Variants in ASTN2 observed in about 807,000 individuals in gnomAD.
ASTN2 encodes astrotactin-2.
In ASTN2, 54 loss-of-function variants were observed where a neutral mutation model predicts 139.8. The ratio of observed to expected loss-of-function variants is 0.39; its 90% CI spans 0.31 to 0.48. The LOEUF is 0.48. Among genes scored for constraint, ASTN2 ranks in the 20% least tolerant of loss-of-function variants. The pLI, the probability that ASTN2 is intolerant of heterozygous loss-of-function variation, is 0.95. For synonymous variants in ASTN2, 756 were observed against 719.5 expected, an observed-to-expected ratio of 1.05 and a Z score of -0.81; for missense variants, 1,565 against 1,725.1, an observed-to-expected ratio of 0.91 and a Z score of 1.64.
chr9:116,727,087 C>A (rs2132118304), intron 15 of ASTN2, among the ~76,000 whole-genome samples: 1 of 151,944 alleles, frequency 6.6e-6, no homozygotes, highest in Non-Finnish European at 1.5e-5. Flanking sequence ...CTCCCTAAGT[C>A]ACACCTATGC....
At chr9:116,910,612 G>C (rs1834284615) in intron 10 of ASTN2, among the ~76,000 whole-genome samples, 1 of 152,120 alleles carries the variant, frequency 6.6e-6, no homozygotes, top group South Asian at 2.1e-4. Flanking sequence ...TGAAGCTGAG[G>C]CTTCTGGTAA....
chr9:116,607,333 C>T (rs141182193), intron 19 of ASTN2, among the ~76,000 whole-genome samples: 152 of 152,160 alleles, frequency 1.0e-3, no homozygotes, highest in African/African-American at 3.3e-3. Context: ...TCTTTAAAAA[C>T]AACTGCCCAC....
chr9:117,214,863 G>A (rs1832261807), intron 2 of ASTN2, 121 bp from the exon 3 acceptor site: 6 of 1,162,734 alleles, frequency 5.2e-6, no homozygotes, highest in Non-Finnish European at 6.6e-6. Flanking sequence ...AGAGCCTCAG[G>A]AACCACCAGC....
At chr9:116,565,736 G>A (rs1588013186) in intron 19 of ASTN2, among the ~76,000 whole-genome samples, 1 of 151,942 alleles carries the variant, frequency 6.6e-6, no homozygotes, top group East Asian at 1.9e-4. Flanking sequence ...ACCTGTCTCA[G>A]CCTCCCAAAG....
At chr9:116,433,321 A>G (rs1847554191) in intron 22 of ASTN2, among the ~76,000 whole-genome samples, 1 of 152,258 alleles carries the variant, frequency 6.6e-6, no homozygotes, top group South Asian at 2.1e-4. Flanking sequence ...AGAAACAGGC[A>G]GATAACAGAA....
At chr9:116,988,954 T>C (rs1836762225) in intron 7 of ASTN2, among the ~76,000 whole-genome samples, 1 of 152,120 alleles carries the variant, frequency 6.6e-6, no homozygotes, top group Non-Finnish European at 1.5e-5. Context: ...CCCTTATTCA[T>C]GAGAATGCCA....
intron 16 of ASTN2, among the ~76,000 whole-genome samples, chr9:116,669,382 AAAAC>A (rs556200205): frequency 6.2e-4 from 94 of 152,142 alleles, no homozygotes; most frequent in Non-Finnish European, 1.1e-3. Context: ...TGCTATCTAA[AAAAC>A]AAACAAACAA....
At chr9:116,789,314 A>G (rs371847997) in intron 13 of ASTN2, among the ~76,000 whole-genome samples, 1 of 152,218 alleles carries the variant, frequency 6.6e-6, no homozygotes, top group Admixed American at 6.5e-5. Context: ...CCTCAGGCAT[A>G]CAATGAATTA....
At chr9:116,743,528 G>C (rs1829150277) in intron 13 of ASTN2, among the ~76,000 whole-genome samples, 1 of 151,452 alleles carries the variant, frequency 6.6e-6, no homozygotes, top group South Asian at 2.2e-4. Context: ...CTGCACTCCA[G>C]TGAGACGGGA....
At chr9:116,508,171 G>A (rs1413936320) in intron 19 of ASTN2, among the ~76,000 whole-genome samples, 6 of 152,174 alleles carry the variant, frequency 3.9e-5, no homozygotes, top group African/African-American at 7.2e-5. Context: ...GATTACAGGC[G>A]TGAGCCACCA....
chr9:116,725,057 A>C (rs1828579224), intron 16 of ASTN2, among the ~76,000 whole-genome samples: 1 of 152,210 alleles, frequency 6.6e-6, no homozygotes, highest in African/African-American at 2.4e-5. Context: ...ACTTCCTCAA[A>C]ATGCTATTAC....
At chr9:116,680,670 T>C (rs1859798777) in intron 16 of ASTN2, among the ~76,000 whole-genome samples, 1 of 152,150 alleles carries the variant, frequency 6.6e-6, no homozygotes, top group Non-Finnish European at 1.5e-5. Context: ...AAAAAGCGTA[T>C]CCACCATGAT....
chr9:117,015,030 T>C (rs1275112549), intron 6 of ASTN2, among the ~76,000 whole-genome samples: 1 of 152,164 alleles, frequency 6.6e-6, no homozygotes, highest in Non-Finnish European at 1.5e-5. Flanking sequence ...TTGTTGTTGT[T>C]GTTGTTGAAA....
chr9:116,970,086 T>A (rs1165838632), intron 10 of ASTN2, among the ~76,000 whole-genome samples: 2 of 152,194 alleles, frequency 1.3e-5, no homozygotes, highest in Non-Finnish European at 2.9e-5. Context: ...AAATTATGTC[T>A]CCACTGTGCA....
intron 16 of ASTN2, among the ~76,000 whole-genome samples, chr9:116,655,655 A>C (rs530488780): frequency 7.9e-4 from 120 of 152,218 alleles, no homozygotes; most frequent in African/African-American, 2.8e-3. Context: ...TTCCTCAGAA[A>C]AGCCTTCCCT....
chr9:116,971,138 A>G (rs1403392773), intron 10 of ASTN2, among the ~76,000 whole-genome samples: 3 of 152,188 alleles, frequency 2.0e-5, no homozygotes, highest in Non-Finnish European at 4.4e-5. Flanking sequence ...GATCCAGCTA[A>G]GATTTTTCAG....
At chr9:117,061,489 T>C (rs947126002) in intron 5 of ASTN2, among the ~76,000 whole-genome samples, 1 of 142,222 alleles carries the variant, frequency 7.0e-6, no homozygotes, top group African/African-American at 2.6e-5. Context: ...AACTTTTACA[T>C]AGGCTCATCA....
intron 22 of ASTN2, among the ~76,000 whole-genome samples, chr9:116,434,924 C>A (rs1215798080): frequency 6.6e-6 from 1 of 152,104 alleles, no homozygotes; most frequent in Admixed American, 6.6e-5. Flanking sequence ...TATATGACCA[C>A]AGATTTAGGA....
intron 19 of ASTN2, among the ~76,000 whole-genome samples, chr9:116,603,041 T>G (rs115771928): frequency 1.2e-3 from 182 of 152,288 alleles, no homozygotes; most frequent in African/African-American, 4.2e-3. Context: ...ATGACAATAT[T>G]CAAAACTGTG....
Sources: allele counts gnomAD v4.1 joint callset (sites outside exome capture counted in the v4.1 genomes callset), GRCh38; gene constraint gnomAD v4.1.1; transcripts MANE v1.5; gene names NCBI Gene and HGNC (gene_info 2026-07-23, HGNC 2026-07-21).